The following STAC variants were observed in gnomAD, a reference collection of about 807,000 sequenced individuals.
STAC encodes the protein SH3 and cysteine-rich domain-containing protein.
In STAC, 43 loss-of-function variants were observed where a neutral mutation model predicts 48.8. That is an observed-to-expected ratio of 0.88 (90% CI 0.69 to 1.14). The LOEUF (loss-of-function observed/expected upper bound fraction) is 1.14, where lower values mean the gene tolerates loss of function less well. Ranked by LOEUF, STAC falls within the 50% of genes most tolerant of loss-of-function variation. The probability of loss-of-function intolerance (pLI) is 0.00; values close to 1 mark genes in which losing one functional copy is unlikely to be tolerated. For missense variants in STAC, 497 were observed against 504.0 expected, an observed-to-expected ratio of 0.99 and a Z score of 0.13; for synonymous variants, 193 against 179.5, an observed-to-expected ratio of 1.07 and a Z score of -0.60.
intron 1 of STAC, among the ~76,000 whole-genome samples, chr3:36,388,093 A>T (rs1278420683): frequency 1.3e-5 from 2 of 152,048 alleles, no homozygotes; most frequent in Non-Finnish European, 2.9e-5. Flanking sequence ...GGTTATTTGT[A>T]TATCTTCTTT....
chr3:36,530,576 TTTTC>T (rs1170130213), intron 10 of STAC, among the ~76,000 whole-genome samples: 4 of 135,724 alleles, frequency 2.9e-5, no homozygotes, highest in Admixed American at 2.3e-4. Flanking sequence ...ATAATTCACC[TTTTC>T]TTTTTTTTTT....
intron 1 of STAC, among the ~76,000 whole-genome samples, chr3:36,419,844 G>A (rs183861002): frequency 6.6e-6 from 1 of 152,122 alleles, no homozygotes; most frequent in Non-Finnish European, 1.5e-5. Context: ...ACACCATAAG[G>A]CTGCTTCTTC....
chr3:36,542,742 A>C (rs1470157488), intron 10 of STAC, among the ~76,000 whole-genome samples: 1 of 152,216 alleles, frequency 6.6e-6, no homozygotes, highest in Admixed American at 6.5e-5. Flanking sequence ...TCCACAGGAC[A>C]ATCAGCCATC....
chr3:36,412,234 T>C (rs1047393846), intron 1 of STAC, among the ~76,000 whole-genome samples: 2 of 152,264 alleles, frequency 1.3e-5, no homozygotes, highest in East Asian at 3.9e-4. Context: ...AGGGCTGCTG[T>C]AGCTTTTGAC....
intron 2 of STAC, among the ~76,000 whole-genome samples, chr3:36,480,518 C>T (rs1053021296): frequency 6.6e-6 from 1 of 152,068 alleles, no homozygotes; most frequent in Non-Finnish European, 1.5e-5. Flanking sequence ...CAGGTTCTTA[C>T]CCCCCCTTAT....
chr3:36,484,549 C>G (rs1020565204), intron 3 of STAC, among the ~76,000 whole-genome samples: 7 of 152,190 alleles, frequency 4.6e-5, no homozygotes, highest in Non-Finnish European at 5.9e-5. Flanking sequence ...TATACAGGAG[C>G]TTTTAGGCCT....
chr3:36,483,749 C>T (rs1045847802), intron 3 of STAC, among the ~76,000 whole-genome samples: 6 of 152,100 alleles, frequency 3.9e-5, no homozygotes, highest in East Asian at 1.9e-4. Flanking sequence ...CCCAGGAGTT[C>T]GAGACCAGCC....
At chr3:36,425,095 C>T (rs1042667920) in intron 1 of STAC, among the ~76,000 whole-genome samples, 3 of 151,984 alleles carry the variant, frequency 2.0e-5, no homozygotes, top group Non-Finnish European at 2.9e-5. Context: ...TTTGAAATGA[C>T]GTATGGGATG....
chr3:36,506,558 G>C (rs1698408283), intron 8 of STAC, among the ~76,000 whole-genome samples: 1 of 152,178 alleles, frequency 6.6e-6, no homozygotes, highest in Non-Finnish European at 1.5e-5. Context: ...TCCTATCCAT[G>C]AGCATGGAAT....
At chr3:36,517,419 G>T (rs1036482199) in intron 8 of STAC, among the ~76,000 whole-genome samples, 4 of 152,162 alleles carry the variant, frequency 2.6e-5, no homozygotes, top group African/African-American at 9.7e-5. Context: ...GGAGGCCAAC[G>T]CAGGTGTATT....
intron 2 of STAC, among the ~76,000 whole-genome samples, chr3:36,466,323 T>C (rs991107130): frequency 6.6e-6 from 1 of 152,168 alleles, no homozygotes; most frequent in Non-Finnish European, 1.5e-5. Flanking sequence ...TAGTTGGAAG[T>C]TGGGTAATAT....
intron 5 of STAC, 89 bp downstream of exon 5, chr3:36,486,338 C>T: frequency 8.6e-7 from 1 of 1,166,260 alleles, no homozygotes; most frequent in Non-Finnish European, 1.2e-6. Context: ...TTCCACCTGA[C>T]TGCCTCATGA....
intron 3 of STAC, among the ~76,000 whole-genome samples, chr3:36,483,616 T>C (rs1697716877): frequency 6.6e-6 from 1 of 152,144 alleles, no homozygotes. Context: ...GATCATACCA[T>C]CTCAGGAGGA....
intron 6 of STAC, among the ~76,000 whole-genome samples, chr3:36,502,844 G>A (rs893951326): frequency 6.6e-5 from 10 of 152,118 alleles, no homozygotes; most frequent in South Asian, 2.1e-4. Context: ...CCGGGCCTTC[G>A]TTTTCTGGTT....
At chr3:36,408,025 C>T (rs1700118585) in intron 1 of STAC, among the ~76,000 whole-genome samples, 1 of 152,184 alleles carries the variant, frequency 6.6e-6, no homozygotes, top group Non-Finnish European at 1.5e-5. Context: ...AACTAGAGGC[C>T]ACTGTAGGCC....
chr3:36,462,533 G>A (rs186565667), intron 2 of STAC, among the ~76,000 whole-genome samples: 5 of 152,268 alleles, frequency 3.3e-5, no homozygotes, highest in Non-Finnish European at 7.4e-5. Flanking sequence ...GAGCCCTGGA[G>A]CCCTCCAATG....
At chr3:36,456,594 A>G (rs1191369075) in intron 2 of STAC, among the ~76,000 whole-genome samples, 2 of 152,114 alleles carry the variant, frequency 1.3e-5, no homozygotes, top group South Asian at 2.1e-4. Flanking sequence ...TCTTACATCA[A>G]CTGCCAGAAG....
chr3:36,520,807 T>C (rs1454621531), intron 8 of STAC, among the ~76,000 whole-genome samples: 1 of 152,192 alleles, frequency 6.6e-6, no homozygotes, highest in Non-Finnish European at 1.5e-5. Flanking sequence ...AATGCCTCTC[T>C]CATTTAGGTT....
intron 5 of STAC, among the ~76,000 whole-genome samples, chr3:36,492,415 G>A (rs1441810141): frequency 6.6e-6 from 1 of 152,006 alleles, no homozygotes; most frequent in Admixed American, 6.6e-5. Flanking sequence ...TTAACTATGG[G>A]GCCTCAAACA....
Sources: allele counts gnomAD v4.1 joint callset (sites outside exome capture counted in the v4.1 genomes callset), GRCh38; gene constraint gnomAD v4.1.1; transcripts MANE v1.5; gene names NCBI Gene and HGNC (gene_info 2026-07-23, HGNC 2026-07-21).